The following ZNF516 variants were observed in gnomAD, a reference collection of about 807,000 sequenced individuals.
The protein encoded by ZNF516 is zinc finger protein 516.
A neutral mutation model predicts 79.7 loss-of-function variants in ZNF516; 19 were observed. That is an observed-to-expected ratio of 0.24 (90% confidence interval 0.17 to 0.35). The LOEUF (loss-of-function observed/expected upper bound fraction) is 0.35. ZNF516 is among the 10% of genes least tolerant of loss of function. The probability of loss-of-function intolerance (pLI) is 1.00; values close to 1 mark genes in which losing one functional copy is unlikely to be tolerated. For missense variants in ZNF516, 1,678 were observed against 1,679.5 expected (o/e 1.00, Z 0.02); for synonymous variants, 877 against 739.5 (o/e 1.19, Z -3.02).
At chr18:76,446,038 C>T (rs1270226655) in intron 2 of ZNF516, among the ~76,000 whole-genome samples, 1 of 151,980 alleles carries the variant, frequency 6.6e-6, no homozygotes, top group Non-Finnish European at 1.5e-5. Flanking sequence ...GGGCATTCAG[C>T]ACAAAGTGCA....
At chr18:76,377,661 G>A (rs574268087) in intron 4 of ZNF516, among the ~76,000 whole-genome samples, 32 of 152,252 alleles carry the variant, frequency 2.1e-4, no homozygotes, top group African/African-American at 7.0e-4. Flanking sequence ...TGCAGCCCTG[G>A]ATCTCAGATG....
At chr18:76,429,839 G>T (rs760619117) in intron 3 of ZNF516, among the ~76,000 whole-genome samples, 2 of 152,186 alleles carry the variant, frequency 1.3e-5, no homozygotes, top group Non-Finnish European at 2.9e-5. Flanking sequence ...GCCAGACACC[G>T]CACGGCTACC....
chr18:76,403,481 G>C (rs150233892), intron 3 of ZNF516, among the ~76,000 whole-genome samples: 1 of 152,230 alleles, frequency 6.6e-6, no homozygotes, highest in South Asian at 2.1e-4. Context: ...ACACGCATTC[G>C]CACAACTCAC....
Position 76,442,385 on chromosome 18 carries a change from T to C in ZNF516, c.670A>G (p.Ile224Val), listed in dbSNP as rs1258328538. The C allele has an allele frequency of 3.7e-6, 6 of 1,608,922 alleles. No individual in the cohort carries two copies. Among genetic ancestry groups the C allele is most frequent in the Non-Finnish European group, 5.1e-6 (6 of 1,179,592 alleles). ...CCGCTGCCGGGCCCCTGCGCGGTGA[T>C]GTGGTCCCTCTCGATGTGGCTCAGC... ...SLLSHIERDH[I>V]TAQGPGSGEA... is the part of the protein sequence containing the mutation. The change falls in exon 3 of 7, where the codon ATC (isoleucine) becomes GTC (valine). Residue 224 changes from isoleucine to valine, a missense_variant. Physicochemically the swap from Ile to Val is conservative, Grantham distance 29 (BLOSUM62 3). This residue lies in a region of ZNF516 where 279 missense variants were observed against 254.1 expected (regional missense o/e 1.10). Coordinates refer to ENST00000443185, the MANE Select transcript of ZNF516 (RefSeq NM_014643.4).
intron 3 of ZNF516, among the ~76,000 whole-genome samples, chr18:76,409,381 T>C (rs564805863): frequency 1.1e-4 from 17 of 152,228 alleles, no homozygotes; most frequent in Non-Finnish European, 2.1e-4. Context: ...TTTCTTAACC[T>C]GACCTCCAAG....
chr18:76,486,102 T>C (rs569370305), intron 1 of ZNF516, among the ~76,000 whole-genome samples: 13 of 152,302 alleles, frequency 8.5e-5, no homozygotes, highest in African/African-American at 3.1e-4. Flanking sequence ...CAGCATTGAA[T>C]GGCAAACTAT....
chr18:76,456,752 T>TGGGGGGGGGGGGG (rs5826456), intron 2 of ZNF516, among the ~76,000 whole-genome samples: 19 of 117,698 alleles, frequency 1.6e-4, no homozygotes, highest in African/African-American at 1.9e-4. Flanking sequence ...GGCTGGGGGG[T>TGGGGGGGGGGGGG]GGGGGGGGGC....
chr18:76,413,573 A>C (rs1568271514), intron 3 of ZNF516, among the ~76,000 whole-genome samples: 2 of 152,208 alleles, frequency 1.3e-5, no homozygotes, highest in African/African-American at 4.8e-5. Flanking sequence ...TCAAAAAAAA[A>C]ATTATGTCAT....
chr18:76,414,609 CGAA>C (rs1365759226), intron 3 of ZNF516, among the ~76,000 whole-genome samples: 1 of 152,142 alleles, frequency 6.6e-6, no homozygotes, highest in African/African-American at 2.4e-5. Context: ...TTTCTTCACC[CGAA>C]GAAGGTTACC....
intron 2 of ZNF516, among the ~76,000 whole-genome samples, chr18:76,452,658 C>T (rs943987496): frequency 9.2e-5 from 14 of 152,212 alleles, no homozygotes; most frequent in Admixed American, 9.2e-4. Flanking sequence ...ACTCCATCTT[C>T]CACCTAAGTT....
chr18:76,472,439 G>A (rs1042313557), intron 1 of ZNF516, among the ~76,000 whole-genome samples: 4 of 152,300 alleles, frequency 2.6e-5, no homozygotes, highest in Middle Eastern at 3.4e-3. Flanking sequence ...GCACTTACAC[G>A]TGTGTATATT....
At chr18:76,424,635 G>A (rs1356518020) in intron 3 of ZNF516, among the ~76,000 whole-genome samples, 5 of 90,246 alleles carry the variant, frequency 5.5e-5, no homozygotes, top group Admixed American at 1.5e-4. Flanking sequence ...AGGCTCCCCC[G>A]AAACACACGC....
intron 2 of ZNF516, 87 bp from the exon 3 acceptor site, chr18:76,443,298 A>C: frequency 5.7e-6 from 3 of 522,088 alleles, no homozygotes; most frequent in Non-Finnish European, 3.3e-6. Flanking sequence ...GCTCCCCAAA[A>C]CATACCCATC....
At chr18:76,491,469 A>G (rs1301621925) in intron 1 of ZNF516, among the ~76,000 whole-genome samples, 1 of 133,166 alleles carries the variant, frequency 7.5e-6, no homozygotes, top group Non-Finnish European at 1.6e-5. Context: ...TATGGTGCGA[A>G]GTTGGGCTGT....
intron 4 of ZNF516, among the ~76,000 whole-genome samples, chr18:76,373,232 G>A: frequency 6.6e-6 from 1 of 151,214 alleles, no homozygotes; most frequent in East Asian, 1.9e-4. Context: ...GAGGAGAGAG[G>A]AGGGAAGAGG....
At chr18:76,404,701 A>G (rs1281057977) in intron 3 of ZNF516, among the ~76,000 whole-genome samples, 1 of 151,130 alleles carries the variant, frequency 6.6e-6, no homozygotes. Flanking sequence ...GAGTGTGAGC[A>G]TGAGCATATG....
intron 1 of ZNF516, among the ~76,000 whole-genome samples, chr18:76,482,286 T>C (rs1319914374): frequency 6.6e-6 from 1 of 152,232 alleles, no homozygotes; most frequent in Admixed American, 6.5e-5. Flanking sequence ...GCTTTTCCCT[T>C]CATCGCGACC....
At chr18:76,409,823 G>A (rs1156251749) in intron 3 of ZNF516, among the ~76,000 whole-genome samples, 1 of 152,164 alleles carries the variant, frequency 6.6e-6, no homozygotes, top group African/African-American at 2.4e-5. Flanking sequence ...AGACATTAGA[G>A]GTGGTATGGT....
intron 3 of ZNF516, among the ~76,000 whole-genome samples, chr18:76,384,047 G>A (rs945012398): frequency 6.6e-6 from 1 of 152,314 alleles, no homozygotes; most frequent in Admixed American, 6.5e-5. Flanking sequence ...GGCCCAAGGG[G>A]ACCACGACAC....
Sources: allele counts gnomAD v4.1 joint callset (sites outside exome capture counted in the v4.1 genomes callset), GRCh38; gene constraint gnomAD v4.1.1; regional missense constraint gnomAD v4.1.1; transcripts MANE v1.5; gene names NCBI Gene and HGNC (gene_info 2026-07-23, HGNC 2026-07-21).